The following DPP8 variants were observed in gnomAD, a reference collection of about 807,000 sequenced individuals.
The protein encoded by DPP8 is DPP VIII.
In DPP8, 31 loss-of-function variants were observed where a neutral mutation model predicts 107.5. That is an observed-to-expected ratio of 0.29 (90% CI 0.22 to 0.39). DPP8 has a LOEUF of 0.39. Among genes scored for constraint, DPP8 ranks in the 10% least tolerant of loss-of-function variants. The pLI is 1.00. For synonymous variants in DPP8, 381 were observed against 356.6 expected (o/e 1.07, Z -0.77); for missense variants, 842 against 1,076.1 (o/e 0.78, Z 3.04).
chr15:65,450,004 G>A (rs2063852936), intron 19 of DPP8, among the ~76,000 whole-genome samples: 1 of 95,430 alleles, frequency 1.0e-5, no homozygotes, highest in African/African-American at 3.6e-5. Context: ...TTTCACTCTT[G>A]TTGCCCAGGC....
At chr15:65,471,215 A>T (rs2065865871) in intron 12 of DPP8, among the ~76,000 whole-genome samples, 1 of 152,170 alleles carries the variant, frequency 6.6e-6, no homozygotes, top group Admixed American at 6.6e-5. Context: ...TATCCAAGGT[A>T]CTTCAACAGA....
chr15:65,455,636 A>G (rs978089283), intron 16 of DPP8: 3 of 1,177,596 alleles, frequency 2.5e-6, no homozygotes, highest in Non-Finnish European at 3.2e-6. Flanking sequence ...AAACAAAAAT[A>G]AAAACAAAAA....
chr15:65,512,655 T>A, intron 1 of DPP8, 91 bp from the exon 2 acceptor site: 1 of 1,421,862 alleles, frequency 7.0e-7, no homozygotes, highest in Non-Finnish European at 9.6e-7. Flanking sequence ...AGCGGGGGAG[T>A]GGGGAGGGCA....
At chr15:65,453,857 T>C (rs933477241) in intron 17 of DPP8, among the ~76,000 whole-genome samples, 20 of 149,508 alleles carry the variant, frequency 1.3e-4, no homozygotes, top group African/African-American at 4.7e-4. Flanking sequence ...CCTGTAATCC[T>C]AGCACTTTGG....
chr15:65,460,412 T>A (rs994697785), intron 15 of DPP8, among the ~76,000 whole-genome samples: 1 of 152,126 alleles, frequency 6.6e-6, no homozygotes, highest in Non-Finnish European at 1.5e-5. Context: ...CTCTGCATTA[T>A]AGCCTGGAAG....
At chr15:65,448,801 A>C (rs1392126814) in intron 19 of DPP8, among the ~76,000 whole-genome samples, 3 of 138,080 alleles carry the variant, frequency 2.2e-5, no homozygotes, top group East Asian at 2.0e-4. Context: ...TATATAATAT[A>C]TAAAATATAC....
At chr15:65,500,300 C>T (rs1258409648) in intron 4 of DPP8, among the ~76,000 whole-genome samples, 2 of 152,000 alleles carry the variant, frequency 1.3e-5, no homozygotes, top group African/African-American at 4.8e-5. Flanking sequence ...TGCCTGTAGT[C>T]CCAGCTACTT....
chr15:65,511,348 T>C (rs551520886), intron 2 of DPP8, among the ~76,000 whole-genome samples: 1 of 151,672 alleles, frequency 6.6e-6, no homozygotes, highest in Non-Finnish European at 1.5e-5. Flanking sequence ...CATTAGCTGG[T>C]TGTGGCAGCG....
At chr15:65,489,929 G>A (rs929458685) in intron 6 of DPP8, among the ~76,000 whole-genome samples, 3 of 151,880 alleles carry the variant, frequency 2.0e-5, no homozygotes, top group Non-Finnish European at 4.4e-5. Flanking sequence ...ATGTTAGCCA[G>A]GCTGGTCTCG....
intron 5 of DPP8, 53 bp downstream of exon 5, chr15:65,497,811 T>C (rs2068757366): frequency 1.5e-6 from 2 of 1,326,906 alleles, no homozygotes; most frequent in Admixed American, 2.7e-5. Flanking sequence ...AGCAGCAAAT[T>C]ATACTTCAAA....
chr15:65,484,778 T>C (rs1056037129), intron 8 of DPP8, among the ~76,000 whole-genome samples: 5 of 152,114 alleles, frequency 3.3e-5, no homozygotes, highest in Non-Finnish European at 7.4e-5. Context: ...GTGGGATATT[T>C]AATGCACCAC....
intron 8 of DPP8, among the ~76,000 whole-genome samples, chr15:65,483,717 C>T (rs532414198): frequency 1.3e-5 from 2 of 152,200 alleles, no homozygotes; most frequent in South Asian, 4.1e-4. Flanking sequence ...CTCAACAATT[C>T]TACTCCTAGG....
chr15:65,470,172 G>GCAACAGA (rs2065735237), intron 12 of DPP8, among the ~76,000 whole-genome samples: 1 of 117,324 alleles, frequency 8.5e-6, no homozygotes, highest in Non-Finnish European at 1.6e-5. Flanking sequence ...TCCAGCCTGT[G>GCAACAGA]CAACAGAGTG....
chr15:65,500,524 G>T, intron 4 of DPP8, 82 bp downstream of exon 4: 3 of 1,099,618 alleles, frequency 2.7e-6, no homozygotes, highest in Admixed American at 2.2e-5. Context: ...TTGCTGGTTT[G>T]TTTATTAATT....
intron 5 of DPP8, among the ~76,000 whole-genome samples, chr15:65,492,222 G>C (rs1189213152): frequency 6.6e-6 from 1 of 151,892 alleles, no homozygotes; most frequent in Non-Finnish European, 1.5e-5. Context: ...GGTGCCTATG[G>C]TCCCAGTTAC....
chr15:65,482,053 G>T (rs544398804), intron 8 of DPP8, among the ~76,000 whole-genome samples: 1 of 151,468 alleles, frequency 6.6e-6, no homozygotes, highest in East Asian at 1.9e-4. Context: ...TATTTTTTGA[G>T]ACAAGGTCTC....
chr15:65,489,988 G>A (rs1315647334), intron 6 of DPP8, among the ~76,000 whole-genome samples: 1 of 152,126 alleles, frequency 6.6e-6, no homozygotes, highest in African/African-American at 2.4e-5. Flanking sequence ...CAAAGTGCTG[G>A]GATTACAGGT....
intron 6 of DPP8, among the ~76,000 whole-genome samples, chr15:65,489,619 G>A (rs576017882): frequency 1.3e-4 from 19 of 146,844 alleles, no homozygotes; most frequent in Admixed American, 4.8e-4. Flanking sequence ...AGGGTTTCAC[G>A]GTGTTAGCCA....
At chr15:65,500,205 G>T (rs1210334253) in intron 4 of DPP8, among the ~76,000 whole-genome samples, 1 of 152,092 alleles carries the variant, frequency 6.6e-6, no homozygotes, top group Non-Finnish European at 1.5e-5. Flanking sequence ...GATAACCTGA[G>T]GTCAGGAGTT....
Sources: gnomAD v4.1 joint callset for allele counts (sites outside exome capture counted in the v4.1 genomes callset) on GRCh38, gnomAD v4.1.1 for gene constraint, MANE v1.5 for transcripts, NCBI Gene and HGNC (gene_info 2026-07-23, HGNC 2026-07-21) for gene names.